The following CWC27 variants were observed in gnomAD, a reference collection of about 807,000 sequenced individuals.
The protein encoded by CWC27 is CWC27 spliceosome associated cyclophilin.
A neutral mutation model predicts 63.6 loss-of-function variants in CWC27; 47 were observed. The observed-to-expected ratio is 0.74, with a 90% CI of 0.58 to 0.94. The LOEUF is 0.94. Among genes scored for constraint, CWC27 ranks in the 40% least tolerant of loss-of-function variants. The pLI is 0.00. For synonymous variants in CWC27, 175 were observed against 179.8 expected (o/e 0.97, Z 0.22); for missense variants, 495 against 554.3 (o/e 0.89, Z 1.07).
chr5:64,840,387 AAAAAAAAATATATATATATATAT>A (rs1437058171), intron 10 of CWC27, among the ~76,000 whole-genome samples: 16 of 52,906 alleles, frequency 3.0e-4, no homozygotes, highest in Non-Finnish European at 4.7e-4. Flanking sequence ...AAAAAAAAAA[AAAAAAAAATATATATATATATAT>A]ATATATATAT....
chr5:64,832,758 C>T lies in CWC27; in HGVS notation c.938+28372C>T, dbSNP rs571835247. The stretch of plus-strand genomic sequence containing the variant: ...CAATGACTTTTAGACTTTGCTACAC[C>T]GCTTTGACTCATGCAGCAGTTGTAC... On this transcript the variant is annotated intron_variant, in intron 10 of 13. Coordinates refer to ENST00000381070, the MANE Select transcript of CWC27 (RefSeq NM_005869.4). Among the ~76,000 whole-genome samples, 15 of 151,822 alleles carry T rather than the reference C, an allele frequency of 9.9e-5. No individual in the cohort carries two copies. The East Asian group carries it at 1.2e-3, about 12-fold the overall frequency.
intron 10 of CWC27, among the ~76,000 whole-genome samples, chr5:64,834,696 A>C (rs1467468601): frequency 6.6e-6 from 1 of 151,714 alleles, no homozygotes; most frequent in Non-Finnish European, 1.5e-5. Flanking sequence ...GTTTCTTTGT[A>C]AACTCCAAGG....
chr5:64,932,105 T>G (rs999431283), intron 11 of CWC27, among the ~76,000 whole-genome samples: 1 of 152,144 alleles, frequency 6.6e-6, no homozygotes, highest in African/African-American at 2.4e-5. Flanking sequence ...ATGTATTAAT[T>G]TATTTAATCT....
chr5:64,911,945 G>A (rs1165422490), intron 11 of CWC27, among the ~76,000 whole-genome samples: 4 of 151,908 alleles, frequency 2.6e-5, no homozygotes, highest in African/African-American at 9.7e-5. Flanking sequence ...GTGATGGCGG[G>A]CACCTGCAGT....
At chr5:64,938,497 A>G (rs931381305) in intron 11 of CWC27, among the ~76,000 whole-genome samples, 2 of 152,122 alleles carry the variant, frequency 1.3e-5, no homozygotes, top group African/African-American at 4.8e-5. Context: ...TGGGCTTCCC[A>G]TTGTGGGTAA....
intron 10 of CWC27, among the ~76,000 whole-genome samples, chr5:64,849,004 A>G (rs565331194): frequency 7.2e-5 from 11 of 152,336 alleles, no homozygotes; most frequent in African/African-American, 2.6e-4. Context: ...AGCCAAGAGA[A>G]AGAAATAAAA....
At chr5:64,925,982 T>A (rs1748103152) in intron 11 of CWC27, among the ~76,000 whole-genome samples, 1 of 152,184 alleles carries the variant, frequency 6.6e-6, no homozygotes, top group Non-Finnish European at 1.5e-5. Flanking sequence ...TAAACTACCT[T>A]AGATCCTATC....
chr5:64,801,250 T>C (rs1744474407), intron 8 of CWC27, 52 bp from the exon 9 acceptor site: 1 of 1,356,496 alleles, frequency 7.4e-7, no homozygotes, highest in Non-Finnish European at 1.0e-6. Flanking sequence ...ACAAAATAAT[T>C]GTGTTAGTTT....
In CWC27 at chr5:64,924,897, T is replaced by C. The variant is rs1165673888; in HGVS notation, c.1042+39351T>C. ...ATGAGTGGTAGTTATTATTTTTATA[T>C]ACCGAAAGAAACTAACCAAAGTTAT... On this transcript the variant is annotated intron_variant, in intron 11 of 13. Coordinates refer to ENST00000381070, the MANE Select transcript of CWC27 (RefSeq NM_005869.4). 2.6e-5 allele frequency among the ~76,000 whole-genome samples: 4 copies of C among 152,072 alleles called. No homozygotes were observed. In the East Asian group the frequency reaches 5.8e-4, roughly 22 times the overall value.
At chr5:64,928,670 C>G (rs909547419) in intron 11 of CWC27, among the ~76,000 whole-genome samples, 3 of 152,008 alleles carry the variant, frequency 2.0e-5, no homozygotes, top group Admixed American at 2.0e-4. Context: ...TAAGGAATAG[C>G]AGCATAGAGA....
chr5:64,912,088 A>ACAAG (rs1485203750), intron 11 of CWC27, among the ~76,000 whole-genome samples: 1 of 128,060 alleles, frequency 7.8e-6, no homozygotes, highest in Non-Finnish European at 1.5e-5. Flanking sequence ...AAAAAAAAAA[A>ACAAG]AAAGAAAGAA....
chr5:64,908,362 T>C (rs2112374312), intron 11 of CWC27, among the ~76,000 whole-genome samples: 1 of 152,328 alleles, frequency 6.6e-6, no homozygotes, highest in East Asian at 1.9e-4. Context: ...GTATATTCTG[T>C]TGAATTGGGC....
At chr5:64,852,378 T>G (rs1433605) in intron 10 of CWC27, among the ~76,000 whole-genome samples, 25,272 of 152,190 alleles carry the variant, frequency 0.17, 2,496 homozygotes, top group East Asian at 0.34. Context: ...GCCCAAAGCA[T>G]TTTTGCTGAC....
At chr5:64,965,950 C>T (rs940720895) in intron 11 of CWC27, among the ~76,000 whole-genome samples, 1 of 152,082 alleles carries the variant, frequency 6.6e-6, no homozygotes, top group Non-Finnish European at 1.5e-5. Flanking sequence ...AGGATTTGAA[C>T]TACGTGCCTG....
At chr5:64,825,197 TTGGAGA>T (rs1378387203) in intron 10 of CWC27, among the ~76,000 whole-genome samples, 3 of 152,294 alleles carry the variant, frequency 2.0e-5, no homozygotes, top group African/African-American at 7.2e-5. Flanking sequence ...ATAAGGCAAC[TTGGAGA>T]CCGTATGTTG....
At chr5:64,801,229 AT>A in intron 8 of CWC27, 72 bp from the exon 9 acceptor site, 1 of 1,281,832 alleles carries the variant, frequency 7.8e-7, no homozygotes. Flanking sequence ...ACTATTCTAG[AT>A]TTTTGGGTTA....
intron 7 of CWC27, among the ~76,000 whole-genome samples, chr5:64,793,712 A>G (rs1744155966): frequency 6.6e-6 from 1 of 152,204 alleles, no homozygotes; most frequent in Non-Finnish European, 1.5e-5. Flanking sequence ...ATGAAATTAA[A>G]TATTTCTAAA....
intron 10 of CWC27, among the ~76,000 whole-genome samples, chr5:64,808,721 G>A (rs1744774196): frequency 6.6e-6 from 1 of 152,058 alleles, no homozygotes; most frequent in Non-Finnish European, 1.5e-5. Flanking sequence ...ATAGTAACTG[G>A]TCATTAAACT....
At chr5:64,926,787 T>C (rs1748116386) in intron 11 of CWC27, among the ~76,000 whole-genome samples, 1 of 152,192 alleles carries the variant, frequency 6.6e-6, no homozygotes, top group African/African-American at 2.4e-5. Flanking sequence ...CTTCTTTAAC[T>C]TTCCTACTAT....
Sources: gnomAD v4.1 joint callset for allele counts (sites outside exome capture counted in the v4.1 genomes callset) on GRCh38, gnomAD v4.1.1 for gene constraint, MANE v1.5 for transcripts, NCBI Gene and HGNC (gene_info 2026-07-23, HGNC 2026-07-21) for gene names.